INTS1: variants seen among roughly 807,000 people sequenced by gnomAD.
The protein encoded by INTS1 is integrator complex subunit 1.
In INTS1, 137 loss-of-function variants were observed where a neutral mutation model predicts 241.6. That is an observed-to-expected ratio of 0.57 (90% CI 0.49 to 0.65). The LOEUF (loss-of-function observed/expected upper bound fraction) is 0.65. Ranked by LOEUF, INTS1 falls within the 30% of genes least tolerant of loss-of-function variation. The probability of loss-of-function intolerance (pLI) is 0.00; values close to 1 mark genes in which losing one functional copy is unlikely to be tolerated. For synonymous variants in INTS1, 1,692 were observed against 1,337.8 expected, an observed-to-expected ratio of 1.26 and a Z score of -5.78; for missense variants, 3,073 against 3,032.2, an observed-to-expected ratio of 1.01 and a Z score of -0.32.
intron 3 of INTS1, among the ~76,000 whole-genome samples, chr7:1,502,010 C>T (rs1384661956): frequency 1.3e-5 from 2 of 152,154 alleles, no homozygotes; most frequent in Non-Finnish European, 2.9e-5. Context: ...CCTTCCAGGG[C>T]CGTCGGGGAC....
At position 1,476,032 on chromosome 7, in the gene INTS1, G is replaced by C. The variant is rs1240761013; in HGVS notation, c.5418C>G (p.Leu1806=). 2 of 1,545,718 alleles carry C rather than the reference G, an allele frequency of 1.3e-6. No individual in the cohort carries two copies. Among genetic ancestry groups the C allele is most frequent in the East Asian group, 2.4e-5 (1 of 40,896 alleles). ...CCCGCAGCTCCGGCCGCTGTAGGTAGAGCTGCAGGAGAAGGTCTCGGCAGC... is the reference window on the plus strand; with the variant it reads ...CCCGCAGCTCCGGCCGCTGTAGGTACAGCTGCAGGAGAAGGTCTCGGCAGC... The part of the protein sequence containing the change: ...GRRCRDLLLQ[L]YLQRPELRVP... The change falls in exon 39 of 48, where the codon CTC becomes CTG. Residue 1806 remains leucine (L), a synonymous_variant. Transcript: ENST00000404767.
intron 22 of INTS1, 21 bp downstream of exon 22, chr7:1,486,604 A>G: frequency 6.2e-7 from 1 of 1,607,482 alleles, no homozygotes; most frequent in Non-Finnish European, 8.5e-7. Flanking sequence ...CGTGCGCAGA[A>G]AGACCCGCCC....
chr7:1,501,340 C>T (rs540553881), intron 3 of INTS1: 1 of 152,010 alleles, frequency 6.6e-6, no homozygotes, highest in African/African-American at 2.4e-5. Flanking sequence ...CATATCCACA[C>T]ACATGTGGAC....
chr7:1,499,726 C>T (rs902897877), intron 5 of INTS1, 94 bp from the exon 6 acceptor site: 11 of 1,480,844 alleles, frequency 7.4e-6, no homozygotes, highest in African/African-American at 2.8e-5. Flanking sequence ...GGTGCCCAGG[C>T]GGCCCTCTCC....
chr7:1,501,485 G>A (rs533118062), intron 3 of INTS1, among the ~76,000 whole-genome samples: 2 of 152,146 alleles, frequency 1.3e-5, no homozygotes, highest in African/African-American at 2.4e-5. Flanking sequence ...CAAATGGCTG[G>A]ATGCAGCCAT....
chr7:1,493,881 G>A lies in INTS1; in HGVS notation c.1941C>T (p.Pro647=), dbSNP rs1782717223. The change falls in exon 15 of 48, where the codon CCC becomes CCT. Residue 647 remains proline (P), a synonymous_variant. Transcript: ENST00000404767. This position sits in a 1 kb window ranked among gnomAD's most constrained non-coding sequence, Gnocchi z 5.3. ...TGCGCATCAGCGTGTCCTCCAAAAT[G>A]GGCACCTCGGAGCACAGACGCAGGA... ...NFFLRLCSEV[P]ILEDTLMRIL... The A allele has an allele frequency of 1.3e-6, 2 of 1,563,776 alleles. No individual in the cohort carries two copies. Among genetic ancestry groups the A allele is most frequent in the East Asian group, 4.8e-5 (2 of 41,602 alleles).
chr7:1,497,076 G>A lies in INTS1; in HGVS notation c.1602+62C>T, dbSNP rs1414777657. 3 of 1,485,204 alleles carry A rather than the reference G, an allele frequency of 2.0e-6. No individual in the cohort carries two copies. The highest frequency in any genetic ancestry group is 2.7e-6 in the Non-Finnish European group (3 of 1,111,746). The allele number at this position is 1,485,204 out of a possible 1,614,324, so 92.0% of individuals were successfully genotyped here. On this transcript the variant is annotated intron_variant, in intron 11 of 47. Coordinates refer to ENST00000404767, the MANE Select transcript of INTS1 (RefSeq NM_001080453.3). The surrounding 1 kb of genome is among the most constrained non-coding windows in gnomAD (Gnocchi z 5.3). Reference sequence around the variant, plus strand: ...GAGTGTGCATGGGACCCAGGACGAGGGGGATGGCGGCGCGTGGAACCCGCA... The same window carrying A: ...GAGTGTGCATGGGACCCAGGACGAGAGGGATGGCGGCGCGTGGAACCCGCA...
At position 1,493,514 on chromosome 7, in the gene INTS1, C is replaced by CA. The variant is rs1177611474; in HGVS notation, c.2068+239dup. Among the ~76,000 whole-genome samples, 1 of 152,120 alleles carries CA rather than the reference C, an allele frequency of 6.6e-6. No homozygotes were observed. The highest frequency in any genetic ancestry group is 1.9e-4 in the East Asian group (1 of 5,202). Reference sequence around the variant, plus strand: ...CAAATCACACCGAGAATGCCAATTCCAAAAAATGTGCAAATTCCAAAGAAC... The same window carrying CA: ...CAAATCACACCGAGAATGCCAATTCCAAAAAAATGTGCAAATTCCAAAGAAC... On this transcript the variant is annotated intron_variant, in intron 15 of 47. Coordinates refer to ENST00000404767, the MANE Select transcript of INTS1 (RefSeq NM_001080453.3). This position sits in a 1 kb window ranked among gnomAD's most constrained non-coding sequence, Gnocchi z 5.3.
In INTS1 at chr7:1,474,174, C is replaced by T; in HGVS notation, c.5823G>A (p.Leu1941=). The T allele has an allele frequency of 6.4e-7, 1 of 1,567,504 alleles. No homozygotes were observed. The highest frequency in any genetic ancestry group is 8.6e-7 in the Non-Finnish European group (1 of 1,158,898). Reference sequence around the variant, plus strand: ...GGGCGGCGGGAGCACACACCAGCAGCAGGCGGATGAAGGACAGAAGGCAGT... The same window carrying T: ...GGGCGGCGGGAGCACACACCAGCAGTAGGCGGATGAAGGACAGAAGGCAGT... ...LWDCLLSFIR[L]LLNYRKSSRH... is the part of the protein sequence containing the mutation. The change falls in exon 41 of 48, where the codon CTG becomes CTA. Residue 1941 remains leucine, a synonymous_variant. Coordinates refer to ENST00000404767, the MANE Select transcript of INTS1 (RefSeq NM_001080453.3).
chr7:1,489,416 G>A lies in INTS1; in HGVS notation c.2258-12C>T. On this transcript the variant is annotated splice_polypyrimidine_tract_variant and intron_variant, in intron 17 of 47. Coordinates refer to ENST00000404767, the MANE Select transcript of INTS1 (RefSeq NM_001080453.3). ...CCACGCAGCCAGGCCTAGGGAACCG[G>A]AGGGTGTGGGGCTGGCCAGGCTCCC... is the stretch of plus-strand genomic sequence containing the variant. 9.7e-6 allele frequency: 10 copies of A among 1,025,754 alleles called. No homozygotes were observed. Among genetic ancestry groups the A allele is most frequent in the Non-Finnish European group, 1.2e-5 (10 of 855,556 alleles). The allele number at this position is 1,025,754 out of a possible 1,614,324, so 63.5% of individuals were successfully genotyped here.
At chr7:1,480,803 G>T in intron 29 of INTS1, 32 bp downstream of exon 29, 1 of 1,512,194 alleles carries the variant, frequency 6.6e-7, no homozygotes, top group Non-Finnish European at 9.0e-7. Flanking sequence ...CCCAGGCTGG[G>T]TCTCTGTGCT....
chr7:1,483,461 G>T, intron 26 of INTS1: 1 of 518,342 alleles, frequency 1.9e-6, no homozygotes, highest in Non-Finnish European at 3.5e-6. Flanking sequence ...GGCTGGGGCA[G>T]TGAGGACTCT....
intron 19 of INTS1, 98 bp from the exon 20 acceptor site, chr7:1,487,547 G>A: frequency 6.9e-7 from 1 of 1,453,588 alleles, no homozygotes; most frequent in Non-Finnish European, 9.3e-7. Flanking sequence ...GCAGCCGACA[G>A]CCCGAGACGG....
At position 1,470,828 on chromosome 7, in the gene INTS1, C is replaced by G. The variant is rs1004044257; in HGVS notation, c.6457+18G>C. 2 of 1,557,768 alleles carry G rather than the reference C, an allele frequency of 1.3e-6. No individual in the cohort carries two copies. The highest frequency in any genetic ancestry group is 2.7e-5 in the African/African-American group (2 of 73,336). ...CCCCGAGGGCTGCCAGGGCCCTGGG[C>G]GGGGGGCCAGTCCTCACCTTGGCAC... On this transcript the variant is annotated intron_variant, in intron 47 of 47. Transcript: ENST00000404767.
chr7:1,492,579 A>G (rs1168444812), intron 16 of INTS1, among the ~76,000 whole-genome samples: 2 of 152,200 alleles, frequency 1.3e-5, no homozygotes, highest in Admixed American at 6.5e-5. Context: ...TAACACGTAC[A>G]TGAATTCTCT....
chr7:1,498,936 ACCCCCTGCCCCGCCCAC>A, intron 8 of INTS1, 22 bp downstream of exon 8: 33 of 932,562 alleles, frequency 3.5e-5, no homozygotes, highest in Non-Finnish European at 4.4e-5. Context: ...GCCTGCCCCC[ACCCCCTGCCCCGCCCAC>A]CCCCCCGGGG....
At chr7:1,476,487 A>ACCGCCTCTCCCGGATGGG (rs1781725346) in intron 37 of INTS1, 32 bp from the exon 38 acceptor site, 1 of 1,093,714 alleles carries the variant, frequency 9.1e-7, no homozygotes, top group South Asian at 1.8e-5. Context: ...GCCCCGGAGC[A>ACCGCCTCTCCCGGATGGG]CCACCGCCTC....
chr7:1,473,718 G>C, intron 41 of INTS1, 25 bp from the exon 42 acceptor site: 2 of 1,611,842 alleles, frequency 1.2e-6, no homozygotes, highest in African/African-American at 1.3e-5. Context: ...CGGCACCCTC[G>C]AGCTGCTCTG....
intron 16 of INTS1, among the ~76,000 whole-genome samples, chr7:1,491,965 G>A (rs888527044): frequency 1.3e-5 from 2 of 152,232 alleles, no homozygotes; most frequent in African/African-American, 4.8e-5. Flanking sequence ...CCAGCAGGAT[G>A]TCTCTGCTGA....
Sources: allele counts gnomAD v4.1 joint callset (sites outside exome capture counted in the v4.1 genomes callset), GRCh38; gene constraint gnomAD v4.1.1; non-coding constraint Gnocchi (gnomAD v3.1); transcripts MANE v1.5; gene names NCBI Gene and HGNC (gene_info 2026-07-23, HGNC 2026-07-21).